Variants in JAM2 observed in about 807,000 individuals in gnomAD.
JAM2 encodes junctional adhesion molecule 2.
In JAM2, 17 loss-of-function variants were observed where a neutral mutation model predicts 42.0. That is an observed-to-expected ratio of 0.40 (90% CI 0.28 to 0.61). JAM2 has a LOEUF of 0.61. JAM2 is among the 20% of genes least tolerant of loss of function. The pLI is 0.37. For synonymous variants in JAM2, 118 were observed against 128.6 expected (o/e 0.92, Z 0.56); for missense variants, 319 against 358.3 (o/e 0.89, Z 0.89).
At chr21:25,679,507 G>T (rs2033578730) in intron 1 of JAM2, among the ~76,000 whole-genome samples, 1 of 152,178 alleles carries the variant, frequency 6.6e-6, no homozygotes, top group South Asian at 2.1e-4. Flanking sequence ...TCACTTGGGG[G>T]CATGGTGATA....
At chr21:25,666,741 G>T (rs1301479360) in intron 1 of JAM2, among the ~76,000 whole-genome samples, 1 of 151,886 alleles carries the variant, frequency 6.6e-6, no homozygotes, top group Non-Finnish European at 1.5e-5. Flanking sequence ...TCACTGTGTT[G>T]CCCAGACTGG....
chr21:25,653,410 C>G (rs2032836908), intron 1 of JAM2, among the ~76,000 whole-genome samples: 1 of 152,168 alleles, frequency 6.6e-6, no homozygotes, highest in African/African-American at 2.4e-5. Flanking sequence ...GTGTATTAGT[C>G]TGTTTTCACA....
At position 25,639,584 on chromosome 21, in the gene JAM2, C is replaced by T. The variant is rs1269122616; in HGVS notation, c.-238C>T. ...CGCCCTCTAGCCCCTACCCCCACAC[C>T]CCCAAAACAGAACAGACCCCCATCC... is the stretch of plus-strand genomic sequence containing the variant. On this transcript the variant is annotated 5_prime_UTR_variant, in exon 1 of 10. Coordinates refer to ENST00000480456, the MANE Select transcript of JAM2 (RefSeq NM_021219.4). 5.1e-5 allele frequency: 24 copies of T among 467,240 alleles called. 2 individuals carry two copies. In the South Asian group the frequency reaches 8.2e-4, roughly 16 times the overall value. 28.9% of individuals were successfully genotyped at this position (467,240 alleles called of 1,614,324 possible). A position where few individuals can be genotyped will look rare whatever the true frequency, so the allele number is the denominator to read the frequency against.
At chr21:25,701,182 T>C (rs2034157070) in intron 5 of JAM2, among the ~76,000 whole-genome samples, 1 of 152,254 alleles carries the variant, frequency 6.6e-6, no homozygotes, top group South Asian at 2.1e-4. Context: ...ATTATTTATA[T>C]GTAACCTTGG....
At chr21:25,700,134 T>C (rs1048983671) in intron 5 of JAM2, among the ~76,000 whole-genome samples, 2 of 152,146 alleles carry the variant, frequency 1.3e-5, no homozygotes, top group African/African-American at 4.8e-5. Flanking sequence ...GTGAAGCTAA[T>C]TACATTTAAA....
At chr21:25,712,955 C>T in intron 9 of JAM2, among the ~76,000 whole-genome samples, 1 of 152,172 alleles carries the variant, frequency 6.6e-6, no homozygotes. Context: ...GCCAGGAAGT[C>T]CACAATCAAG....
At chr21:25,647,613 C>T (rs909272420) in intron 1 of JAM2, among the ~76,000 whole-genome samples, 2 of 151,954 alleles carry the variant, frequency 1.3e-5, no homozygotes, top group African/African-American at 4.8e-5. Context: ...ACTAGAACCA[C>T]CAAAAATAAT....
At chr21:25,695,513 CGCG>C (rs1568912636) in intron 4 of JAM2, among the ~76,000 whole-genome samples, 2 of 151,558 alleles carry the variant, frequency 1.3e-5, no homozygotes, top group Non-Finnish European at 1.5e-5. Context: ...ACGGGGCGGC[CGCG>C]GGGCAGAGGG....
intron 1 of JAM2, among the ~76,000 whole-genome samples, chr21:25,681,999 A>G (rs568049429): frequency 6.6e-6 from 1 of 152,276 alleles, no homozygotes; most frequent in East Asian, 1.9e-4. Context: ...AGAAAAAAAG[A>G]ATTGCTTGCC....
intron 8 of JAM2, 187 bp downstream of exon 8, chr21:25,709,636 C>G: frequency 4.7e-6 from 2 of 427,392 alleles, no homozygotes; most frequent in Non-Finnish European, 8.7e-6. Flanking sequence ...AGAAAATACC[C>G]GAGACTGGGT....
chr21:25,681,855 G>T (rs7281677), intron 1 of JAM2, among the ~76,000 whole-genome samples: 1 of 151,994 alleles, frequency 6.6e-6, no homozygotes, highest in Non-Finnish European at 1.5e-5. Context: ...CGTGGCGGGC[G>T]CCTGTAGTCC....
chr21:25,705,991 T>C lies in JAM2; in HGVS notation c.710T>C (p.Ile237Thr), dbSNP rs1463696438. ...TTTTACATTCCAGATGATCTCAACA[T>C]AAGTGGCATCATAGCAGCCGTAGTA... is the stretch of plus-strand genomic sequence containing the variant. ...GKRMQVDDLN[I>T]SGIIAAVVVV... The change falls in exon 7 of 10, where the codon ATA becomes ACA. Residue 237 changes from isoleucine to threonine, a missense_variant. By Grantham distance (89) the Ile-to-Thr change is moderately conservative. Coordinates refer to ENST00000480456, the MANE Select transcript of JAM2 (RefSeq NM_021219.4). The C allele has an allele frequency of 6.2e-7, 1 of 1,609,706 alleles. No homozygotes were observed. Among genetic ancestry groups the C allele is most frequent in the Admixed American group, 1.7e-5 (1 of 60,024 alleles).
intron 9 of JAM2, 159 bp from the exon 10 acceptor site, chr21:25,714,481 G>A (rs2034443454): frequency 1.7e-6 from 1 of 573,500 alleles, no homozygotes; most frequent in African/African-American, 2.0e-5. Flanking sequence ...CTGGGTAACA[G>A]AGCAAGATTC....
In JAM2 at chr21:25,711,153, T is replaced by G. The variant is rs77501589; in HGVS notation, c.822-1187T>G. ...GTTTGGGAGTGGTGATGGGAATAAGTGGAGAGGTTGGAGTGTTTGGAATTT... is the reference window on the plus strand; with the variant it reads ...GTTTGGGAGTGGTGATGGGAATAAGGGGAGAGGTTGGAGTGTTTGGAATTT... On this transcript the variant is annotated intron_variant, in intron 8 of 9. Coordinates refer to ENST00000480456, the MANE Select transcript of JAM2 (RefSeq NM_021219.4). Among the ~76,000 whole-genome samples, 7 of 152,184 alleles carry G rather than the reference T, an allele frequency of 4.6e-5. No homozygotes were observed. In the East Asian group the frequency reaches 1.4e-3, roughly 29 times the overall value.
At position 25,715,632 on chromosome 21, in the gene JAM2, C is replaced by T. The variant is rs1330950701; in HGVS notation, c.*960C>T. 6.6e-6 allele frequency: 1 copy of T among 152,182 alleles called. No homozygotes were observed. Among genetic ancestry groups the T allele is most frequent in the Non-Finnish European group, 1.5e-5 (1 of 68,036 alleles). The allele number at this position is 152,182 out of a possible 1,614,324, so 9.4% of individuals were successfully genotyped here. On this transcript the variant is annotated 3_prime_UTR_variant, in exon 10 of 10. Coordinates refer to ENST00000480456, the MANE Select transcript of JAM2 (RefSeq NM_021219.4). ...TGTGGAGGGAAGAAGTAATAGTCTA[C>T]CAGGAAAATGAGACGAAAAAGCTCA... is the stretch of plus-strand genomic sequence containing the variant.
chr21:25,707,763 A>T (rs2034301424), intron 7 of JAM2, among the ~76,000 whole-genome samples: 1 of 152,210 alleles, frequency 6.6e-6, no homozygotes, highest in South Asian at 2.1e-4. Context: ...TAAAATTCTT[A>T]ATTGAATTAT....
At position 25,714,737 on chromosome 21, in the gene JAM2, C is replaced by A; in HGVS notation, c.*65C>A. On this transcript the variant is annotated 3_prime_UTR_variant, in exon 10 of 10. Coordinates refer to ENST00000480456, the MANE Select transcript of JAM2 (RefSeq NM_021219.4). Reference sequence around the variant, plus strand: ...CACAAGTTATTAAACTATTATAAAACTCTGCTTTGTCCGACATTTGCAAAG... The same window carrying A: ...CACAAGTTATTAAACTATTATAAAAATCTGCTTTGTCCGACATTTGCAAAG... The A allele has an allele frequency of 9.2e-7, 1 of 1,088,084 alleles. No homozygotes were observed. Among genetic ancestry groups the A allele is most frequent in the Non-Finnish European group, 1.3e-6 (1 of 772,742 alleles). The allele number at this position is 1,088,084 out of a possible 1,614,324, so 67.4% of individuals were successfully genotyped here.
chr21:25,681,395 T>A (rs944249269), intron 1 of JAM2, among the ~76,000 whole-genome samples: 2 of 152,110 alleles, frequency 1.3e-5, no homozygotes, highest in African/African-American at 2.4e-5. Flanking sequence ...AAATACATCC[T>A]TTTTCACATG....
chr21:25,704,145 G>C (rs1601061290), intron 6 of JAM2, among the ~76,000 whole-genome samples: 1 of 151,512 alleles, frequency 6.6e-6, no homozygotes, highest in African/African-American at 2.4e-5. Flanking sequence ...GTAAATAGAA[G>C]GTACACTTTG....
Sources: gnomAD v4.1 joint callset for allele counts (sites outside exome capture counted in the v4.1 genomes callset) on GRCh38, gnomAD v4.1.1 for gene constraint, MANE v1.5 for transcripts, NCBI Gene and HGNC (gene_info 2026-07-23, HGNC 2026-07-21) for gene names.